Variants in ZFAND3 observed in about 807,000 individuals in gnomAD.
The protein encoded by ZFAND3 is AN1-type zinc finger protein 3.
ZFAND3 carries 10 observed loss-of-function variants against 29.6 expected under a neutral mutation model. The observed-to-expected ratio is 0.34, with a 90% CI of 0.21 to 0.57. ZFAND3 has a LOEUF of 0.57. Among genes scored for constraint, ZFAND3 ranks in the 20% least tolerant of loss-of-function variants. The pLI is 0.86. For missense variants in ZFAND3, 230 were observed against 304.5 expected, an observed-to-expected ratio of 0.76 and a Z score of 1.82; for synonymous variants, 128 against 112.6, an observed-to-expected ratio of 1.14 and a Z score of -0.87.
chr6:38,129,174 GA>G (rs1415492494), intron 5 of ZFAND3, among the ~76,000 whole-genome samples: 6 of 151,842 alleles, frequency 4.0e-5, no homozygotes, highest in African/African-American at 1.5e-4. Flanking sequence ...TTTTTGATGG[GA>G]TTTTTTTCTT....
intron 3 of ZFAND3, among the ~76,000 whole-genome samples, chr6:38,076,409 A>C (rs1251440327): frequency 6.6e-6 from 1 of 152,164 alleles, no homozygotes; most frequent in African/African-American, 2.4e-5. Flanking sequence ...TCTCTGAGGT[A>C]TGCCTGTAAT....
chr6:37,864,092 C>T (rs532210361), intron 1 of ZFAND3, among the ~76,000 whole-genome samples: 1 of 152,232 alleles, frequency 6.6e-6, no homozygotes, highest in South Asian at 2.1e-4. Flanking sequence ...GTTTAATGAA[C>T]ATAAAGTTTG....
intron 1 of ZFAND3, among the ~76,000 whole-genome samples, chr6:37,847,012 A>G (rs1235263479): frequency 1.3e-5 from 2 of 151,494 alleles, no homozygotes; most frequent in Non-Finnish European, 2.9e-5. Context: ...TGCCTGGCGT[A>G]TACTTGTGAT....
At chr6:37,956,183 G>C (rs1359361836) in intron 2 of ZFAND3, among the ~76,000 whole-genome samples, 1 of 152,150 alleles carries the variant, frequency 6.6e-6, no homozygotes, top group Non-Finnish European at 1.5e-5. Flanking sequence ...AAATAATAGA[G>C]TTGAAGCTTA....
intron 2 of ZFAND3, among the ~76,000 whole-genome samples, chr6:37,939,436 G>A (rs749369822): frequency 1.1e-4 from 16 of 151,928 alleles, no homozygotes; most frequent in South Asian, 2.1e-4. Context: ...GTCTTATCCC[G>A]GATTATCTCA....
intron 2 of ZFAND3, among the ~76,000 whole-genome samples, chr6:37,980,505 A>G (rs546028618): frequency 1.3e-5 from 2 of 152,196 alleles, no homozygotes; most frequent in Non-Finnish European, 2.9e-5. Flanking sequence ...TGAAGCAAGT[A>G]TTAGCTTCCT....
At chr6:38,030,062 A>ATG (rs1561972381) in intron 2 of ZFAND3, among the ~76,000 whole-genome samples, 2 of 13,634 alleles carry the variant, frequency 1.5e-4, no homozygotes, top group African/African-American at 3.5e-4. Context: ...ATATATATAT[A>ATG]TATATATATA....
chr6:38,121,754 G>T (rs906344106), intron 5 of ZFAND3, among the ~76,000 whole-genome samples: 1 of 152,160 alleles, frequency 6.6e-6, no homozygotes, highest in African/African-American at 2.4e-5. Context: ...ATGTCCATCA[G>T]CCCTCATTGT....
chr6:38,000,334 G>A (rs753849668), intron 2 of ZFAND3, among the ~76,000 whole-genome samples: 19 of 152,276 alleles, frequency 1.2e-4, no homozygotes, highest in Non-Finnish European at 2.6e-4. Flanking sequence ...TTGTGAAAGA[G>A]CGAAAATTTC....
chr6:37,988,030 G>A (rs2842524), intron 2 of ZFAND3, among the ~76,000 whole-genome samples: 132,138 of 152,230 alleles, frequency 0.87, 58,144 homozygotes, highest in East Asian at 0.96. Flanking sequence ...TTTAAAAACT[G>A]CTGGTTAAAG....
intron 5 of ZFAND3, among the ~76,000 whole-genome samples, chr6:38,137,995 T>C (rs1168672854): frequency 1.3e-5 from 2 of 151,846 alleles, no homozygotes; most frequent in African/African-American, 4.8e-5. Context: ...AGCAAAGGAG[T>C]GATCTGACTT....
intron 5 of ZFAND3, among the ~76,000 whole-genome samples, chr6:38,138,648 A>G (rs1211168154): frequency 1.3e-5 from 2 of 152,200 alleles, no homozygotes; most frequent in Non-Finnish European, 2.9e-5. Context: ...TCAGGACATC[A>G]TTTAGATCTA....
At chr6:38,111,527 C>G (rs1030554605) in intron 4 of ZFAND3, among the ~76,000 whole-genome samples, 4 of 152,192 alleles carry the variant, frequency 2.6e-5, no homozygotes, top group African/African-American at 7.2e-5. Context: ...ACCAGCCCCC[C>G]ACTCCTCCTT....
intron 5 of ZFAND3, among the ~76,000 whole-genome samples, chr6:38,140,089 T>C (rs11755600): frequency 0.069 from 10,496 of 152,246 alleles, 435 homozygotes; most frequent in Non-Finnish European, 0.088. Flanking sequence ...ATGGGAGACA[T>C]TGAAGAAGAA....
intron 2 of ZFAND3, among the ~76,000 whole-genome samples, chr6:37,983,298 G>A (rs1762610526): frequency 2.1e-5 from 3 of 145,704 alleles, no homozygotes; most frequent in Non-Finnish European, 3.0e-5. Flanking sequence ...AGTCCTGTAA[G>A]CTGCCTGCAT....
Position 38,055,998 on chromosome 6 carries a change from T to C in ZFAND3, c.113-5595T>C, listed in dbSNP as rs1764127573. On this transcript the variant is annotated intron_variant, in intron 2 of 5. Coordinates refer to ENST00000287218, the MANE Select transcript of ZFAND3 (RefSeq NM_021943.3). ...CTGACAAGTGAACGGATGATTCTTA[T>C]ATACCATAGTAAGTCTTGTGCTATG... 2.6e-5 allele frequency among the ~76,000 whole-genome samples: 4 copies of C among 152,238 alleles called. No homozygotes were observed. The South Asian group carries it at 8.3e-4, about 32-fold the overall frequency.
intron 2 of ZFAND3, among the ~76,000 whole-genome samples, chr6:37,999,402 T>G (rs1561961302): frequency 6.6e-6 from 1 of 152,182 alleles, no homozygotes; most frequent in Admixed American, 6.5e-5. Context: ...TCTCTGTTCC[T>G]TAAGTGTGGG....
rs966077949 is a variant in ZFAND3 at position 38,017,351 on chromosome 6, G to A, written c.113-44242G>A. Among the ~76,000 whole-genome samples the A allele has an allele frequency of 7.2e-5, 11 of 152,320 alleles. No individual in the cohort carries two copies. The South Asian group carries it at 1.9e-3, about 26-fold the overall frequency. On this transcript the variant is annotated intron_variant, in intron 2 of 5. Transcript: ENST00000287218. ...GGAAGTTGGGCAGGAGCTGTTTGGC[G>A]TTACAGTTAGAAGCATTGCCTTTCC... is the stretch of plus-strand genomic sequence containing the variant.
chr6:37,824,396 A>G (rs1049282738), intron 1 of ZFAND3, among the ~76,000 whole-genome samples: 1 of 152,248 alleles, frequency 6.6e-6, no homozygotes, highest in Non-Finnish European at 1.5e-5. Context: ...GTGAAGACCT[A>G]GAATATTACA....
Sources: allele counts gnomAD v4.1 joint callset (sites outside exome capture counted in the v4.1 genomes callset), GRCh38; gene constraint gnomAD v4.1.1; transcripts MANE v1.5; gene names NCBI Gene and HGNC (gene_info 2026-07-23, HGNC 2026-07-21).